ABLIM1: variants seen among roughly 807,000 people sequenced by gnomAD.
ABLIM1 encodes the protein actin binding LIM protein 1.
In ABLIM1, 40 loss-of-function variants were observed where a neutral mutation model predicts 107.0. The observed-to-expected ratio is 0.37, with a 90% CI of 0.29 to 0.49. The LOEUF is 0.49. Among genes scored for constraint, ABLIM1 ranks in the 20% least tolerant of loss-of-function variants. The pLI is 0.97. For missense variants in ABLIM1, 857 were observed against 1,008.5 expected, an observed-to-expected ratio of 0.85 and a Z score of 2.04; for synonymous variants, 357 against 357.3, an observed-to-expected ratio of 1.00 and a Z score of 0.01.
At chr10:114,535,573 G>T (rs746029433) in intron 6 of ABLIM1, among the ~76,000 whole-genome samples, 1 of 152,200 alleles carries the variant, frequency 6.6e-6, no homozygotes, top group African/African-American at 2.4e-5. Context: ...GCCTCCCAAA[G>T]TGCTGAGATT....
At chr10:114,736,581 C>G (rs926149532) in intron 1 of ABLIM1, among the ~76,000 whole-genome samples, 26 of 152,066 alleles carry the variant, frequency 1.7e-4, no homozygotes, top group Admixed American at 6.6e-5. Flanking sequence ...AACATGAATC[C>G]AGGGACAACA....
At chr10:114,598,861 G>A (rs922431449) in intron 2 of ABLIM1, among the ~76,000 whole-genome samples, 1 of 151,158 alleles carries the variant, frequency 6.6e-6, no homozygotes, top group Admixed American at 6.6e-5. Flanking sequence ...TATTTTTTAA[G>A]TTTTGGGGTG....
intron 1 of ABLIM1, among the ~76,000 whole-genome samples, chr10:114,633,807 A>G (rs762943220): frequency 6.6e-5 from 10 of 152,128 alleles, no homozygotes; most frequent in Non-Finnish European, 1.3e-4. Context: ...GCCTTTAAGG[A>G]GATGCTGACA....
chr10:114,644,517 G>A (rs754793156), intron 1 of ABLIM1, among the ~76,000 whole-genome samples: 58 of 151,274 alleles, frequency 3.8e-4, no homozygotes, highest in Middle Eastern at 6.4e-3. Context: ...CTTTCTTGAC[G>A]GACCTTGTCG....
At chr10:114,682,791 T>C (rs2080802362) in intron 1 of ABLIM1, among the ~76,000 whole-genome samples, 1 of 152,180 alleles carries the variant, frequency 6.6e-6, no homozygotes, top group Admixed American at 6.5e-5. Context: ...AACGTTGTTC[T>C]TTCTGGCTTG....
chr10:114,496,082 G>T (rs2059627374), intron 6 of ABLIM1, among the ~76,000 whole-genome samples: 2 of 152,342 alleles, frequency 1.3e-5, no homozygotes, highest in Admixed American at 6.5e-5. Flanking sequence ...CAAAAAGAAG[G>T]CACATTAGTG....
intron 1 of ABLIM1, among the ~76,000 whole-genome samples, chr10:114,679,981 TGAAA>T (rs2080674769): frequency 6.6e-6 from 1 of 152,248 alleles, no homozygotes; most frequent in African/African-American, 2.4e-5. Flanking sequence ...ATGTAGTGTT[TGAAA>T]TTTTTACAAT....
intron 6 of ABLIM1, among the ~76,000 whole-genome samples, chr10:114,539,887 G>T (rs952785924): frequency 1.3e-5 from 2 of 152,106 alleles, no homozygotes; most frequent in African/African-American, 4.8e-5. Flanking sequence ...GGCAGGGGAA[G>T]GGGGAGGAGG....
upstream of ABLIM1, among the ~76,000 whole-genome samples, chr10:114,771,521 T>C (rs1005653062): frequency 6.6e-6 from 1 of 152,226 alleles, no homozygotes; most frequent in Admixed American, 6.5e-5. Context: ...GGAGTTGTGA[T>C]ATATGGAAAT....
chr10:114,712,023 G>C (rs761274321), intron 1 of ABLIM1, among the ~76,000 whole-genome samples: 10 of 151,936 alleles, frequency 6.6e-5, no homozygotes, highest in Non-Finnish European at 1.0e-4. Flanking sequence ...CCTGCCTGGG[G>C]GTCTCCAGGG....
At chr10:114,772,212 A>G (rs967943190), upstream of ABLIM1, among the ~76,000 whole-genome samples, 1 of 152,226 alleles carries the variant, frequency 6.6e-6, no homozygotes, top group Admixed American at 6.5e-5. Flanking sequence ...GAGAGTCTTC[A>G]TTAAGCCAGG....
intron 20 of ABLIM1, chr10:114,439,529 G>T (rs1419112079): frequency 1.2e-5 from 6 of 519,694 alleles, no homozygotes; most frequent in African/African-American, 5.7e-5. Context: ...ACATTTAAAA[G>T]ATGCCCAAGT....
upstream of ABLIM1, among the ~76,000 whole-genome samples, chr10:114,687,701 A>G (rs2080975932): frequency 6.6e-6 from 1 of 152,234 alleles, no homozygotes; most frequent in Non-Finnish European, 1.5e-5. Context: ...AAAATAGCAG[A>G]TATCAGTAAC....
chr10:114,741,645 T>C (rs187572844), intron 1 of ABLIM1, among the ~76,000 whole-genome samples: 43 of 152,266 alleles, frequency 2.8e-4, no homozygotes, highest in African/African-American at 9.9e-4. Flanking sequence ...GGTTAATATC[T>C]TTAGGAAGAG....
intron 2 of ABLIM1, among the ~76,000 whole-genome samples, chr10:114,580,302 G>A (rs1428513643): frequency 6.6e-6 from 1 of 151,776 alleles, no homozygotes; most frequent in African/African-American, 2.4e-5. Context: ...CAACTCCTGG[G>A]TGCAAGAAAA....
intron 6 of ABLIM1, among the ~76,000 whole-genome samples, chr10:114,515,380 T>C (rs1017705895): frequency 1.5e-4 from 23 of 152,146 alleles, no homozygotes; most frequent in African/African-American, 5.1e-4. Flanking sequence ...TCCTGGGACT[T>C]CAGGATGTGA....
At chr10:114,511,019 T>A (rs1349459095) in intron 6 of ABLIM1, among the ~76,000 whole-genome samples, 1 of 152,046 alleles carries the variant, frequency 6.6e-6, no homozygotes, top group Non-Finnish European at 1.5e-5. Context: ...ATTTATTTAT[T>A]CTGTTAAGGT....
chr10:114,463,225 A>G, intron 12 of ABLIM1: 1 of 1,204,994 alleles, frequency 8.3e-7, no homozygotes, highest in South Asian at 1.5e-5. Context: ...ACAGAAATTA[A>G]CACAGGAGCA....
chr10:114,453,079 A>C (rs947168335), intron 13 of ABLIM1, among the ~76,000 whole-genome samples: 1 of 152,250 alleles, frequency 6.6e-6, no homozygotes, highest in Non-Finnish European at 1.5e-5. Flanking sequence ...ATATCTCAGA[A>C]GGCAATGATA....
Sources: allele counts gnomAD v4.1 joint callset (sites outside exome capture counted in the v4.1 genomes callset), GRCh38; gene constraint gnomAD v4.1.1; transcripts MANE v1.5; gene names NCBI Gene and HGNC (gene_info 2026-07-23, HGNC 2026-07-21).